XKR6: variants seen among roughly 807,000 people sequenced by gnomAD.
The protein encoded by XKR6 is XK-related protein 6.
Under a neutral mutation model 56.7 loss-of-function variants are expected in XKR6, and 22 were observed. That is an observed-to-expected ratio of 0.39 (90% CI 0.28 to 0.55). The LOEUF (loss-of-function observed/expected upper bound fraction) is 0.55, where lower values mean the gene tolerates loss of function less well. Among genes scored for constraint, XKR6 ranks in the 20% least tolerant of loss-of-function variants. The pLI is 0.66. For missense variants in XKR6, 852 were observed against 889.0 expected (o/e 0.96, Z 0.53); for synonymous variants, 524 against 387.8 (o/e 1.35, Z -4.13).
chr8:10,978,213 A>G (rs1004858945), intron 1 of XKR6, among the ~76,000 whole-genome samples: 2 of 152,214 alleles, frequency 1.3e-5, no homozygotes, highest in Non-Finnish European at 2.9e-5. Context: ...CATAGCAGAG[A>G]ATAGATTTAT....
intron 1 of XKR6, among the ~76,000 whole-genome samples, chr8:11,145,463 T>G (rs2116952425): frequency 6.6e-6 from 1 of 152,300 alleles, no homozygotes; most frequent in East Asian, 1.9e-4. Flanking sequence ...CATGATCATC[T>G]ACACAGAAAT....
At chr8:11,041,934 T>C (rs1799296639) in intron 1 of XKR6, among the ~76,000 whole-genome samples, 1 of 152,170 alleles carries the variant, frequency 6.6e-6, no homozygotes, top group Admixed American at 6.5e-5. Flanking sequence ...ACCACACACA[T>C]GTATACACAC....
At chr8:10,908,152 C>G (rs1800235838) in intron 2 of XKR6, among the ~76,000 whole-genome samples, 1 of 152,192 alleles carries the variant, frequency 6.6e-6, no homozygotes, top group Non-Finnish European at 1.5e-5. Flanking sequence ...TGTGGCCCTG[C>G]CGGGCAGAAG....
At chr8:10,950,973 A>G (rs1801700660) in intron 1 of XKR6, among the ~76,000 whole-genome samples, 1 of 151,654 alleles carries the variant, frequency 6.6e-6, no homozygotes, top group African/African-American at 2.4e-5. Context: ...AAGGATGGGG[A>G]GTGGGGATTT....
rs1167433174 is a variant in XKR6 at position 11,158,595 on chromosome 8, A to G, written c.764+41981T>C. 5.1e-4 allele frequency among the ~76,000 whole-genome samples: 77 copies of G among 152,200 alleles called. 2 individuals are homozygous for G. Among genetic ancestry groups the G allele is most frequent in the Admixed American group, 5.0e-3 (77 of 15,282 alleles). ...TCGCCATTGAGACCCTGACCAACACAATCCCTCTTATGAAAAGAATCCACC... is the reference window on the plus strand; with the variant it reads ...TCGCCATTGAGACCCTGACCAACACGATCCCTCTTATGAAAAGAATCCACC... On this transcript the variant is annotated intron_variant, in intron 1 of 2. Coordinates refer to ENST00000416569, the MANE Select transcript of XKR6 (RefSeq NM_173683.4).
At chr8:11,167,733 C>G (rs1308673453) in intron 1 of XKR6, among the ~76,000 whole-genome samples, 1 of 151,962 alleles carries the variant, frequency 6.6e-6, no homozygotes, top group Non-Finnish European at 1.5e-5. Flanking sequence ...TGAAGGAGGG[C>G]CCCAGCAAAG....
At chr8:11,075,950 C>G (rs947831090) in intron 1 of XKR6, among the ~76,000 whole-genome samples, 8 of 152,138 alleles carry the variant, frequency 5.3e-5, no homozygotes, top group Non-Finnish European at 2.9e-5. Context: ...TTCTCAATAG[C>G]CAAAAGATGG....
chr8:11,000,335 G>C (rs1798209151), intron 1 of XKR6, among the ~76,000 whole-genome samples: 1 of 152,144 alleles, frequency 6.6e-6, no homozygotes, highest in Non-Finnish European at 1.5e-5. Context: ...GAAACAAGTA[G>C]CAATGCATCA....
rs529734666 is a variant in XKR6 at position 11,027,582 on chromosome 8, T to G, written c.765-102752A>C. 2.1e-4 allele frequency among the ~76,000 whole-genome samples: 32 copies of G among 152,310 alleles called. No individual in the cohort carries two copies. In the South Asian group the frequency reaches 6.6e-3, roughly 32 times the overall value. On this transcript the variant is annotated intron_variant, in intron 1 of 2. Coordinates refer to ENST00000416569, the MANE Select transcript of XKR6 (RefSeq NM_173683.4). ...GAGGCTCAGAGAAGTAGTAAATTAC[T>G]CCAAGTCACATGACATTAGGCTTCA...
intron 1 of XKR6, chr8:11,108,432 A>T: frequency 2.3e-6 from 1 of 432,992 alleles, no homozygotes; most frequent in Non-Finnish European, 4.6e-6. Flanking sequence ...GAAAATCTTC[A>T]TAATTGTTAG....
At chr8:11,124,640 A>C (rs1289550898) in intron 1 of XKR6, 1 of 153,368 alleles carries the variant, frequency 6.5e-6, no homozygotes, top group Non-Finnish European at 1.4e-5. Flanking sequence ...AGAGTTTAAA[A>C]CACTGCAGGG....
chr8:10,946,777 C>T (rs532037783), intron 1 of XKR6, among the ~76,000 whole-genome samples: 34 of 152,118 alleles, frequency 2.2e-4, no homozygotes, highest in Non-Finnish European at 4.1e-4. Context: ...GGAGGAGACA[C>T]GCCTCAGGAG....
At chr8:10,961,554 C>A (rs1361654672) in intron 1 of XKR6, among the ~76,000 whole-genome samples, 1 of 152,158 alleles carries the variant, frequency 6.6e-6, no homozygotes, top group South Asian at 2.1e-4. Context: ...ATGAAGAAAC[C>A]CAAAGAGAAA....
intron 1 of XKR6, among the ~76,000 whole-genome samples, chr8:10,939,365 T>G (rs926308027): frequency 5.3e-5 from 8 of 152,174 alleles, no homozygotes; most frequent in Non-Finnish European, 1.0e-4. Context: ...AACACTCTAC[T>G]GATGACTTCC....
chr8:11,105,536 C>CTG (rs1291673839), intron 1 of XKR6: 1 of 152,286 alleles, frequency 6.6e-6, no homozygotes, highest in Non-Finnish European at 1.5e-5. Flanking sequence ...CCCTTCCCCA[C>CTG]ATTCCTACTG....
intron 1 of XKR6, among the ~76,000 whole-genome samples, chr8:11,083,170 C>T (rs1797783317): frequency 6.6e-6 from 1 of 152,198 alleles, no homozygotes; most frequent in Non-Finnish European, 1.5e-5. Context: ...CTTCAAAGTG[C>T]CCGTGGGGCT....
At position 10,932,925 on chromosome 8, in the gene XKR6, A is replaced by C. The variant is rs1300885501; in HGVS notation, c.765-8095T>G. The stretch of plus-strand genomic sequence containing the variant: ...CTTTATAGCAGCATGATTTATAGTC[A>C]TTTGGGTATATACCCAGTAATGGGA... On this transcript the variant is annotated intron_variant, in intron 1 of 2. Transcript: ENST00000416569. 8.3e-5 allele frequency among the ~76,000 whole-genome samples: 12 copies of C among 145,052 alleles called. No individual in the cohort carries two copies. The East Asian group carries it at 2.0e-3, about 24-fold the overall frequency.
At chr8:11,034,423 G>C (rs1271872785) in intron 1 of XKR6, among the ~76,000 whole-genome samples, 1 of 152,182 alleles carries the variant, frequency 6.6e-6, no homozygotes, top group Non-Finnish European at 1.5e-5. Flanking sequence ...GGAAGGGGAA[G>C]AAGCTGCATG....
intron 1 of XKR6, among the ~76,000 whole-genome samples, chr8:10,990,320 G>A (rs560711976): frequency 2.9e-4 from 44 of 152,338 alleles, no homozygotes; most frequent in African/African-American, 1.0e-3. Context: ...AGTTGGGGCT[G>A]GGGTACTGGC....
Sources: gnomAD v4.1 joint callset for allele counts (sites outside exome capture counted in the v4.1 genomes callset) on GRCh38, gnomAD v4.1.1 for gene constraint, MANE v1.5 for transcripts, NCBI Gene and HGNC (gene_info 2026-07-23, HGNC 2026-07-21) for gene names.